DEFB123: variants seen among roughly 807,000 people sequenced by gnomAD.
DEFB123 encodes beta-defensin 123.
For synonymous variants in DEFB123, 22 were observed against 28.3 expected, an observed-to-expected ratio of 0.78 and a Z score of 0.71; for missense variants, 71 against 75.0, an observed-to-expected ratio of 0.95 and a Z score of 0.20.
chr20:31,443,815 C>T (rs1457634806), intron 1 of DEFB123, among the ~76,000 whole-genome samples: 2 of 152,208 alleles, frequency 1.3e-5, no homozygotes, highest in Non-Finnish European at 2.9e-5. Context: ...AGTATTTCCC[C>T]TCTACTTCCT....
chr20:31,448,447 C>A (rs1979647070), intron 1 of DEFB123, among the ~76,000 whole-genome samples: 1 of 149,670 alleles, frequency 6.7e-6, no homozygotes, highest in African/African-American at 2.5e-5. Context: ...ACTTTTCCTG[C>A]CCCTCCCCTC....
intron 1 of DEFB123, among the ~76,000 whole-genome samples, chr20:31,447,616 G>GT (rs772356142): frequency 0.021 from 3,041 of 144,700 alleles, 68 homozygotes; most frequent in Middle Eastern, 0.057. Flanking sequence ...TTCTGTGTTG[G>GT]TTTTTTTTTT....
intron 1 of DEFB123, among the ~76,000 whole-genome samples, chr20:31,447,155 G>C (rs981652592): frequency 3.3e-5 from 5 of 151,830 alleles, no homozygotes; most frequent in Admixed American, 1.3e-4. Context: ...CCAGCTACTC[G>C]GGAGGCTGAG....
intron 1 of DEFB123, among the ~76,000 whole-genome samples, chr20:31,447,204 G>T (rs2122417245): frequency 6.6e-6 from 1 of 152,080 alleles, no homozygotes; most frequent in Non-Finnish European, 1.5e-5. Flanking sequence ...GGAGGTTGCG[G>T]TGAGCTGAGA....
chr20:31,446,946 C>CAAAAAAA (rs61153733), intron 1 of DEFB123, among the ~76,000 whole-genome samples: 2 of 119,674 alleles, frequency 1.7e-5, no homozygotes, highest in Non-Finnish European at 3.6e-5. Flanking sequence ...GACTCCATCT[C>CAAAAAAA]AAAAAAAAAA....
chr20:31,443,985 C>T (rs1774228566), intron 1 of DEFB123, among the ~76,000 whole-genome samples: 1 of 152,196 alleles, frequency 6.6e-6, no homozygotes, highest in African/African-American at 2.4e-5. Flanking sequence ...AATCCCTGAA[C>T]TTCCTTAACA....
At chr20:31,446,199 G>A (rs1360191863) in intron 1 of DEFB123, among the ~76,000 whole-genome samples, 1 of 152,212 alleles carries the variant, frequency 6.6e-6, no homozygotes, top group East Asian at 1.9e-4. Context: ...ACAGAAAAGG[G>A]CAGATTCCAG....
At chr20:31,447,489 C>CT (rs112043017) in intron 1 of DEFB123, among the ~76,000 whole-genome samples, 1 of 151,678 alleles carries the variant, frequency 6.6e-6, no homozygotes, top group African/African-American at 2.4e-5. Context: ...ATGAAAAAGT[C>CT]TATTTCTCCA....
intron 1 of DEFB123, among the ~76,000 whole-genome samples, chr20:31,441,303 T>G (rs1240424340): frequency 6.6e-6 from 1 of 151,984 alleles, no homozygotes; most frequent in Non-Finnish European, 1.5e-5. Flanking sequence ...GTACACATGG[T>G]CCAGCCCAGG....
At chr20:31,447,177 G>T (rs1309598056) in intron 1 of DEFB123, among the ~76,000 whole-genome samples, 1 of 151,836 alleles carries the variant, frequency 6.6e-6, no homozygotes, top group Non-Finnish European at 1.5e-5. Context: ...CAGGAGAATC[G>T]CTTGAACCCG....
intron 1 of DEFB123, among the ~76,000 whole-genome samples, chr20:31,441,494 G>A (rs966458181): frequency 1.3e-5 from 2 of 152,084 alleles, no homozygotes; most frequent in South Asian, 4.2e-4. Context: ...TGGAGGGGTG[G>A]GTTAGGAGAG....
At chr20:31,446,499 C>T (rs940370522) in intron 1 of DEFB123, among the ~76,000 whole-genome samples, 3 of 152,152 alleles carry the variant, frequency 2.0e-5, no homozygotes, top group Admixed American at 6.5e-5. Context: ...ACAAAGTTTC[C>T]GAGAGTTGTG....
intron 1 of DEFB123, among the ~76,000 whole-genome samples, chr20:31,445,474 T>C (rs772404223): frequency 4.7e-4 from 71 of 152,358 alleles, no homozygotes; most frequent in Non-Finnish European, 7.9e-4. Context: ...TTGATGATTT[T>C]TCTTTATTTA....
intron 1 of DEFB123, among the ~76,000 whole-genome samples, chr20:31,442,691 C>T (rs563638306): frequency 6.6e-6 from 1 of 150,950 alleles, no homozygotes; most frequent in South Asian, 2.1e-4. Flanking sequence ...TCACTGCAAC[C>T]TCCACCTCCC....
intron 1 of DEFB123, among the ~76,000 whole-genome samples, chr20:31,441,260 C>CA (rs1254235979): frequency 6.6e-6 from 1 of 152,088 alleles, no homozygotes; most frequent in East Asian, 1.9e-4. Flanking sequence ...CCCAGGGTGA[C>CA]ACGGCTGTGG....
chr20:31,442,207 A>C (rs1039304980), intron 1 of DEFB123, among the ~76,000 whole-genome samples: 1 of 152,242 alleles, frequency 6.6e-6, no homozygotes, highest in African/African-American at 2.4e-5. Context: ...TTTCTGTTTT[A>C]AAATGATTTC....
intron 1 of DEFB123, among the ~76,000 whole-genome samples, chr20:31,449,572 T>G (rs1979683274): frequency 6.6e-6 from 1 of 152,000 alleles, no homozygotes; most frequent in Non-Finnish European, 1.5e-5. Flanking sequence ...AGGCCTTTGG[T>G]AGTTTCCTCT....
In DEFB123 at chr20:31,440,656, C is replaced by T. The variant is rs780997120; in HGVS notation, c.-43C>T. Reference sequence around the variant, plus strand: ...CACTCTCCTTCTCCCATTAGCTCAGCCGTGGCATCGGACTTGCAGCTTCAT... The same window carrying T: ...CACTCTCCTTCTCCCATTAGCTCAGTCGTGGCATCGGACTTGCAGCTTCAT... On this transcript the variant is annotated 5_prime_UTR_variant, in exon 1 of 2. Transcript: ENST00000376309. 1 of 1,612,092 alleles carries T rather than the reference C, an allele frequency of 6.2e-7. No individual in the cohort carries two copies. The highest frequency in any genetic ancestry group is 8.5e-7 in the Non-Finnish European group (1 of 1,179,246).
At chr20:31,449,116 G>T (rs1979670627) in intron 1 of DEFB123, among the ~76,000 whole-genome samples, 2 of 151,504 alleles carry the variant, frequency 1.3e-5, no homozygotes, top group Non-Finnish European at 2.9e-5. Flanking sequence ...TATCATAGCT[G>T]TTTTATCATC....
Sources: gnomAD v4.1 joint callset for allele counts (sites outside exome capture counted in the v4.1 genomes callset) on GRCh38, gnomAD v4.1.1 for gene constraint, MANE v1.5 for transcripts, NCBI Gene and HGNC (gene_info 2026-07-23, HGNC 2026-07-21) for gene names.